The following NCAM2 variants were observed in gnomAD, a reference collection of about 807,000 sequenced individuals.
NCAM2 encodes the protein N-CAM-2.
Under a neutral mutation model 98.1 loss-of-function variants are expected in NCAM2, and 30 were observed. The observed-to-expected ratio is 0.31, with a 90% confidence interval of 0.23 to 0.41. The LOEUF (loss-of-function observed/expected upper bound fraction) is 0.41. Among genes scored for constraint, NCAM2 ranks in the 10% least tolerant of loss-of-function variants. The pLI is 1.00. For synonymous variants in NCAM2, 368 were observed against 342.4 expected (o/e 1.07, Z -0.83); for missense variants, 867 against 1,005.8 (o/e 0.86, Z 1.87).
chr21:21,150,007 G>T (rs146406597), intron 1 of NCAM2, among the ~76,000 whole-genome samples: 3 of 152,040 alleles, frequency 2.0e-5, no homozygotes, highest in African/African-American at 7.2e-5. Flanking sequence ...TTCCACAACG[G>T]TTGAACTAAT....
rs192049826 is a variant in NCAM2 at position 21,481,255 on chromosome 21, C to G, written c.2077+3784C>G. Among the ~76,000 whole-genome samples the G allele has an allele frequency of 1.1e-4, 17 of 152,220 alleles. No individual in the cohort carries two copies. In the East Asian group the frequency reaches 3.3e-3, roughly 29 times the overall value. On this transcript the variant is annotated intron_variant, in intron 15 of 17. Transcript: ENST00000400546. The stretch of plus-strand genomic sequence containing the variant: ...AAGTTAAGAACTGAGTTCCAAGGAA[C>G]TATCATATTATACTAGAAGAAGAAA...
At chr21:21,186,272 A>G (rs1163873991) in intron 1 of NCAM2, among the ~76,000 whole-genome samples, 2 of 152,142 alleles carry the variant, frequency 1.3e-5, no homozygotes, top group Non-Finnish European at 2.9e-5. Flanking sequence ...TCTCTTTTCT[A>G]AGGAACTTAA....
chr21:21,158,871 T>TTATAA (rs2067693742), intron 1 of NCAM2, among the ~76,000 whole-genome samples: 1 of 152,174 alleles, frequency 6.6e-6, no homozygotes, highest in Non-Finnish European at 1.5e-5. Context: ...TTTTAGAGTG[T>TTATAA]ATTCCTTCTA....
intron 1 of NCAM2, among the ~76,000 whole-genome samples, chr21:21,247,354 G>T (rs768502805): frequency 6.6e-6 from 1 of 151,932 alleles, no homozygotes; most frequent in South Asian, 2.1e-4. Context: ...TTAAACAGAG[G>T]GATTTTGCTT....
chr21:21,441,579 T>C (rs751327139), intron 12 of NCAM2, among the ~76,000 whole-genome samples: 11 of 152,206 alleles, frequency 7.2e-5, no homozygotes, highest in Non-Finnish European at 1.6e-4. Context: ...ATGCCTTATT[T>C]CGTAGGTTTA....
chr21:21,228,298 A>G (rs764529310), intron 1 of NCAM2, among the ~76,000 whole-genome samples: 4 of 151,588 alleles, frequency 2.6e-5, no homozygotes, highest in African/African-American at 4.8e-5. Context: ...AGAAAGTCAT[A>G]CAATTTATTA....
chr21:21,384,990 T>C (rs1175375346), intron 9 of NCAM2, among the ~76,000 whole-genome samples: 2 of 152,036 alleles, frequency 1.3e-5, no homozygotes, highest in African/African-American at 4.8e-5. Context: ...CTTTTAAGCC[T>C]GTATGATTGT....
intron 8 of NCAM2, among the ~76,000 whole-genome samples, chr21:21,352,459 T>G (rs1007151389): frequency 6.6e-6 from 1 of 152,046 alleles, no homozygotes; most frequent in African/African-American, 2.4e-5. Flanking sequence ...ATCATTCTTC[T>G]TGATCAATAA....
chr21:21,348,747 C>T (rs2075256955), intron 8 of NCAM2, among the ~76,000 whole-genome samples: 1 of 151,942 alleles, frequency 6.6e-6, no homozygotes, highest in South Asian at 2.1e-4. Context: ...TACATAGACC[C>T]ATGGAACAGA....
At chr21:21,335,235 G>T (rs981423451) in intron 6 of NCAM2, among the ~76,000 whole-genome samples, 1 of 151,968 alleles carries the variant, frequency 6.6e-6, no homozygotes, top group Admixed American at 6.6e-5. Flanking sequence ...AAATTGAACT[G>T]ATATACTTTT....
chr21:21,180,748 C>T lies in NCAM2; in HGVS notation c.56-99830C>T, dbSNP rs145867566. ...ATTTATTGTGGTTTATGATAAAGCACTCTAAAACAATACCATAAAATGAAG... is the reference window on the plus strand; with the variant it reads ...ATTTATTGTGGTTTATGATAAAGCATTCTAAAACAATACCATAAAATGAAG... On this transcript the variant is annotated intron_variant, in intron 1 of 17. Coordinates refer to ENST00000400546, the MANE Select transcript of NCAM2 (RefSeq NM_004540.5). 4.2e-3 allele frequency among the ~76,000 whole-genome samples: 644 copies of T among 152,174 alleles called. 8 individuals carry two copies. The highest frequency in any genetic ancestry group is 0.015 in the African/African-American group (619 of 41,532).
rs111405209 is a variant in NCAM2, at chr21:21,133,722, G to A, written c.55+135104G>A. Among the ~76,000 whole-genome samples the A allele has an allele frequency of 4.4e-3, 675 of 152,288 alleles. 8 individuals are homozygous for A. Among genetic ancestry groups the A allele is most frequent in the African/African-American group, 0.016 (646 of 41,574 alleles). On this transcript the variant is annotated intron_variant, in intron 1 of 17. Transcript: ENST00000400546. ...GATGTGCAGTATTTTCATCATCAGT[G>A]CATAATGCACAGTTGTTGCTGCCTC...
chr21:21,284,781 G>C (rs1005694894), intron 3 of NCAM2, among the ~76,000 whole-genome samples: 2 of 151,382 alleles, frequency 1.3e-5, no homozygotes, highest in East Asian at 3.9e-4. Flanking sequence ...ACTGACCATT[G>C]TAGAATGAGA....
intron 5 of NCAM2, among the ~76,000 whole-genome samples, chr21:21,318,162 G>A (rs1001826195): frequency 2.0e-5 from 3 of 152,150 alleles, no homozygotes; most frequent in Non-Finnish European, 4.4e-5. Context: ...AATACTCTGA[G>A]GGCCTTTCAT....
intron 1 of NCAM2, among the ~76,000 whole-genome samples, chr21:21,175,406 A>G (rs1218271163): frequency 6.6e-6 from 1 of 152,056 alleles, no homozygotes; most frequent in African/African-American, 2.4e-5. Flanking sequence ...GGTGGCATGC[A>G]CCTGTCTTCC....
chr21:21,515,183 A>C (rs118174055), intron 16 of NCAM2, among the ~76,000 whole-genome samples: 1 of 152,184 alleles, frequency 6.6e-6, no homozygotes, highest in East Asian at 1.9e-4. Context: ...AGATTTACTT[A>C]TGAAGTGAAA....
chr21:21,295,397 G>A (rs757050071), intron 5 of NCAM2, among the ~76,000 whole-genome samples: 45 of 151,772 alleles, frequency 3.0e-4, no homozygotes, highest in Non-Finnish European at 4.6e-4. Flanking sequence ...CCTGGGTATT[G>A]TTTTTCACAA....
chr21:21,075,742 TG>T (rs2065667789), intron 1 of NCAM2, among the ~76,000 whole-genome samples: 2 of 152,214 alleles, frequency 1.3e-5, no homozygotes, highest in African/African-American at 4.8e-5. Flanking sequence ...ATTTATTTCC[TG>T]GGTATGTCGA....
chr21:21,324,455 C>G lies in NCAM2; in HGVS notation c.692C>G (p.Ser231Cys). The part of the protein sequence containing the change: ...TAERGEEMTF[S>C]CRASGSPEPA... Reference sequence around the variant, plus strand: ...GAGAGAGGAGAAGAAATGACATTTTCCTGCAGGGCCTCAGGCTCTCCAGAA... The same window carrying G: ...GAGAGAGGAGAAGAAATGACATTTTGCTGCAGGGCCTCAGGCTCTCCAGAA... Residue 231 changes from serine (S) to cysteine (C), a missense_variant, in exon 6 of 18, where the codon TCC becomes TGC. Ser to Cys is a moderately radical substitution (Grantham distance 112). This residue lies in a region of NCAM2 where 447 missense variants were observed against 495.7 expected (regional missense o/e 0.90). Coordinates refer to ENST00000400546, the MANE Select transcript of NCAM2 (RefSeq NM_004540.5). 1.2e-6 allele frequency: 2 copies of G among 1,613,688 alleles called. No homozygotes were observed. Among genetic ancestry groups the G allele is most frequent in the African/African-American group, 2.7e-5 (2 of 75,004 alleles).
Sources: gnomAD v4.1 joint callset for allele counts (sites outside exome capture counted in the v4.1 genomes callset) on GRCh38, gnomAD v4.1.1 for gene constraint, gnomAD v4.1.1 regional missense constraint, MANE v1.5 for transcripts, NCBI Gene and HGNC (gene_info 2026-07-23, HGNC 2026-07-21) for gene names.